The following KCTD8 variants were observed in gnomAD, a reference collection of about 807,000 sequenced individuals.
KCTD8 encodes BTB/POZ domain-containing protein KCTD8.
KCTD8 carries 27 observed loss-of-function variants against 31.5 expected under a neutral mutation model. The observed-to-expected ratio is 0.86, with a 90% confidence interval of 0.63 to 1.18. The LOEUF (loss-of-function observed/expected upper bound fraction) is 1.18. Among genes scored for constraint, KCTD8 ranks in the 50% most tolerant of loss-of-function variants. The probability of loss-of-function intolerance (pLI) is 0.00; values close to 1 mark genes in which losing one functional copy is unlikely to be tolerated. For synonymous variants in KCTD8, 290 were observed against 280.0 expected (o/e 1.04, Z -0.36); for missense variants, 658 against 647.7 (o/e 1.02, Z -0.17).
intron 1 of KCTD8, among the ~76,000 whole-genome samples, chr4:44,282,169 C>T (rs974215632): frequency 2.0e-5 from 3 of 151,912 alleles, no homozygotes; most frequent in Non-Finnish European, 4.4e-5. Context: ...TTGTGGCAAC[C>T]TTGCATCAAG....
At chr4:44,245,239 G>A (rs1302762038) in intron 1 of KCTD8, among the ~76,000 whole-genome samples, 1 of 152,056 alleles carries the variant, frequency 6.6e-6, no homozygotes, top group Non-Finnish European at 1.5e-5. Flanking sequence ...AGGGAATAGG[G>A]AGACAGGGAA....
intron 1 of KCTD8, among the ~76,000 whole-genome samples, chr4:44,302,438 C>G (rs1300552707): frequency 1.3e-5 from 2 of 152,036 alleles, no homozygotes; most frequent in African/African-American, 4.8e-5. Context: ...CTTCACGTCC[C>G]TTTTAAGTTG....
intron 1 of KCTD8, among the ~76,000 whole-genome samples, chr4:44,283,971 T>A (rs1716981163): frequency 6.6e-6 from 1 of 151,950 alleles, no homozygotes; most frequent in Admixed American, 6.6e-5. Flanking sequence ...CTCAAGGAAA[T>A]AAAAGAGGAC....
At chr4:44,313,695 A>C (rs553712010) in intron 1 of KCTD8, among the ~76,000 whole-genome samples, 5 of 152,226 alleles carry the variant, frequency 3.3e-5, no homozygotes, top group Admixed American at 6.5e-5. Flanking sequence ...TTTACCAGGC[A>C]CTAGCTTAGG....
At chr4:44,389,496 C>G (rs1161065033) in intron 1 of KCTD8, among the ~76,000 whole-genome samples, 1 of 151,622 alleles carries the variant, frequency 6.6e-6, no homozygotes, top group African/African-American at 2.4e-5. Context: ...AAGATAAATA[C>G]TGTATGATTC....
chr4:44,293,505 G>A (rs767362594), intron 1 of KCTD8: 1 of 451,686 alleles, frequency 2.2e-6, no homozygotes, highest in South Asian at 1.6e-5. Flanking sequence ...TAGCAAAGGT[G>A]TAATTGGTAG....
chr4:44,304,221 T>G (rs1458359418), intron 1 of KCTD8, among the ~76,000 whole-genome samples: 1 of 151,926 alleles, frequency 6.6e-6, no homozygotes, highest in African/African-American at 2.4e-5. Context: ...TAAGACAAAA[T>G]GAAGAAAAAT....
At chr4:44,232,727 C>T (rs1715160078) in intron 1 of KCTD8, among the ~76,000 whole-genome samples, 1 of 152,042 alleles carries the variant, frequency 6.6e-6, no homozygotes, top group Non-Finnish European at 1.5e-5. Context: ...ATAATAGTTT[C>T]CTTTGGGGAA....
rs1719852850 is a variant in KCTD8, at chr4:44,373,883, T to A, written c.961+73680A>T. 2.6e-5 allele frequency among the ~76,000 whole-genome samples: 4 copies of A among 152,208 alleles called. 1 individual carries two copies. The South Asian group carries it at 8.3e-4, about 31-fold the overall frequency. On this transcript the variant is annotated intron_variant, in intron 1 of 1. Transcript: ENST00000360029. ...TGTCCAGTCAATACTCAACATAGTA[T>A]GAAACCTTGGATTAGACACTGTGAA...
At chr4:44,250,830 G>C (rs1162311953) in intron 1 of KCTD8, among the ~76,000 whole-genome samples, 1 of 151,452 alleles carries the variant, frequency 6.6e-6, no homozygotes, top group African/African-American at 2.4e-5. Context: ...ATTTATATAG[G>C]GTGCAAACAT....
intron 1 of KCTD8, among the ~76,000 whole-genome samples, chr4:44,370,275 T>C (rs1402696209): frequency 6.6e-6 from 1 of 152,180 alleles, no homozygotes; most frequent in Non-Finnish European, 1.5e-5. Flanking sequence ...AATGTATACA[T>C]AAGAAGACCA....
chr4:44,421,422 C>T (rs1308092468), intron 1 of KCTD8, among the ~76,000 whole-genome samples: 1 of 151,910 alleles, frequency 6.6e-6, no homozygotes, highest in Admixed American at 6.6e-5. Flanking sequence ...ATTTAAAATG[C>T]AAATTTCCAG....
rs529622003 is a variant in KCTD8 at position 44,341,708 on chromosome 4, T to C, written c.961+105855A>G. Among the ~76,000 whole-genome samples the C allele has an allele frequency of 2.6e-5, 4 of 152,310 alleles. No homozygotes were observed. In the East Asian group the frequency reaches 7.7e-4, roughly 29 times the overall value. On this transcript the variant is annotated intron_variant, in intron 1 of 1. Coordinates refer to ENST00000360029, the MANE Select transcript of KCTD8 (RefSeq NM_198353.3). Reference sequence around the variant, plus strand: ...TAGTTCTCTTGCTATTTCCACTCTATCTGTAGTTACTTCCTCCACTGAAGT... The same window carrying C: ...TAGTTCTCTTGCTATTTCCACTCTACCTGTAGTTACTTCCTCCACTGAAGT...
At chr4:44,207,062 G>A (rs1020647781) in intron 1 of KCTD8, among the ~76,000 whole-genome samples, 1 of 152,144 alleles carries the variant, frequency 6.6e-6, no homozygotes, top group African/African-American at 2.4e-5. Flanking sequence ...GATGTCAAAC[G>A]TCTTTGTTCT....
At chr4:44,288,531 T>A (rs1314345958) in intron 1 of KCTD8, among the ~76,000 whole-genome samples, 3 of 152,102 alleles carry the variant, frequency 2.0e-5, no homozygotes, top group African/African-American at 4.8e-5. Context: ...TTCTGCTCTT[T>A]CAAAGCAAGG....
chr4:44,231,146 A>G (rs1401394341), intron 1 of KCTD8, among the ~76,000 whole-genome samples: 2 of 152,134 alleles, frequency 1.3e-5, no homozygotes, highest in Non-Finnish European at 2.9e-5. Context: ...GTGGGTTGCT[A>G]TTCAATAATC....
At chr4:44,285,163 A>T (rs936378749) in intron 1 of KCTD8, among the ~76,000 whole-genome samples, 7 of 152,316 alleles carry the variant, frequency 4.6e-5, no homozygotes, top group Admixed American at 2.0e-4. Context: ...TGATAAAGAC[A>T]CATGTACACA....
chr4:44,385,979 A>T (rs1200970886), intron 1 of KCTD8, among the ~76,000 whole-genome samples: 3 of 151,744 alleles, frequency 2.0e-5, no homozygotes, highest in East Asian at 3.9e-4. Flanking sequence ...CACTAAAAAA[A>T]TGCAAATCAA....
At chr4:44,257,807 C>A (rs1013829764) in intron 1 of KCTD8, among the ~76,000 whole-genome samples, 2 of 151,964 alleles carry the variant, frequency 1.3e-5, no homozygotes, top group African/African-American at 4.8e-5. Flanking sequence ...CCCTGCCTTT[C>A]CTCTTTACCT....
Sources: gnomAD v4.1 joint callset for allele counts (sites outside exome capture counted in the v4.1 genomes callset) on GRCh38, gnomAD v4.1.1 for gene constraint, MANE v1.5 for transcripts, NCBI Gene and HGNC (gene_info 2026-07-23, HGNC 2026-07-21) for gene names.